DCAF8L2: variants seen among roughly 807,000 people sequenced by gnomAD.
The protein encoded by DCAF8L2 is DDB1- and CUL4-associated factor 8-like protein 2.
For missense variants in DCAF8L2, 430 were observed against 490.7 expected (o/e 0.88, Z 1.17); for synonymous variants, 200 against 190.9 (o/e 1.05, Z -0.39).
chrX:27,515,779 G>T, the DCAF8L2 span, among the ~76,000 whole-genome samples: 1 of 111,579 alleles, frequency 9.0e-6, no homozygotes, highest in Non-Finnish European at 1.9e-5. Flanking sequence ...GCTTTAAAGT[G>T]AACATTTATG....
rs947154323 is a variant in DCAF8L2 at position 27,688,782 on chromosome X, T to A, written c.-143+10870T>A. ...GTCTCTAATGATGACAATGAGAAAA[T>A]TGTGACTAAATTATTAATATCTAAG... On this transcript the variant is annotated intron_variant, in intron 3 of 4. Coordinates refer to ENST00000451261, the MANE Select transcript of DCAF8L2 (RefSeq NM_001353450.2). Among the ~76,000 whole-genome samples the A allele has an allele frequency of 2.7e-5, 3 of 111,799 alleles. No homozygotes were observed. The East Asian group carries it at 8.4e-4, about 31-fold the overall frequency.
the DCAF8L2 span, among the ~76,000 whole-genome samples, chrX:27,535,625 A>C: frequency 9.0e-6 from 1 of 111,565 alleles, no homozygotes; most frequent in Admixed American, 9.6e-5. Context: ...CCTCTTCCTC[A>C]TATTCTTCGG....
At chrX:27,615,509 A>T (rs1927420621) in intron 1 of DCAF8L2, among the ~76,000 whole-genome samples, 1 of 100,271 alleles carries the variant, frequency 1.0e-5, no homozygotes, top group Non-Finnish European at 2.0e-5. Context: ...ACAAAAAATA[A>T]TAGTAGATTC....
intron 4 of DCAF8L2, among the ~76,000 whole-genome samples, chrX:27,723,371 C>A (rs1485131353): frequency 9.1e-6 from 1 of 110,175 alleles, no homozygotes; most frequent in Non-Finnish European, 1.9e-5. Flanking sequence ...AAAAAAAACT[C>A]CTAGAAATCA....
the DCAF8L2 span, among the ~76,000 whole-genome samples, chrX:27,512,703 T>TCAC: frequency 2.4e-5 from 2 of 84,946 alleles, no homozygotes; most frequent in African/African-American, 8.9e-5. Flanking sequence ...AAGACATTCT[T>TCAC]CACAGCAACA....
intron 3 of DCAF8L2, among the ~76,000 whole-genome samples, chrX:27,715,795 C>T (rs193248822): frequency 6.3e-5 from 7 of 111,860 alleles, no homozygotes; most frequent in African/African-American, 1.6e-4. Flanking sequence ...ATTTCTGCCT[C>T]AATAACTTTA....
rs562644776 is a variant in DCAF8L2 at position 27,625,126 on chromosome X, A to G, written c.-341-6753A>G. Among the ~76,000 whole-genome samples the G allele has an allele frequency of 1.5e-4, 17 of 112,141 alleles. No homozygotes were observed. The Middle Eastern group carries it at 0.014, about 92-fold the overall frequency. ...CAAAGGTCTAATATCCAGAATCTCT[A>G]AAGAATTTAAACAAACTAACAAGCC... On this transcript the variant is annotated intron_variant, in intron 1 of 4. Coordinates refer to ENST00000451261, the MANE Select transcript of DCAF8L2 (RefSeq NM_001353450.2).
the DCAF8L2 span, among the ~76,000 whole-genome samples, chrX:27,555,427 A>G: frequency 3.6e-5 from 4 of 111,789 alleles, no homozygotes; most frequent in African/African-American, 1.3e-4. Flanking sequence ...TGTTGGCACA[A>G]TGGGCTTATG....
At chrX:27,682,147 TAG>T (rs2147241924) in intron 3 of DCAF8L2, among the ~76,000 whole-genome samples, 1 of 111,088 alleles carries the variant, frequency 9.0e-6, no homozygotes, top group African/African-American at 3.3e-5. Context: ...TCGTTTTTTG[TAG>T]AGACAGGGGC....
chrX:27,730,742 A>T (rs985550754), intron 4 of DCAF8L2, among the ~76,000 whole-genome samples: 1 of 111,125 alleles, frequency 9.0e-6, no homozygotes, highest in Non-Finnish European at 1.9e-5. Flanking sequence ...AAAAACTACT[A>T]AAGTTTGTTT....
At chrX:27,587,975 T>TAAAAAAAAAAAAAAA (rs531576238), upstream of DCAF8L2, among the ~76,000 whole-genome samples, 1 of 25,500 alleles carries the variant, frequency 3.9e-5, no homozygotes, top group African/African-American at 1.1e-4. Flanking sequence ...GTACTTCCAT[T>TAAAAAAAAAAAAAAA]AAAAAAAAAA....
At chrX:27,681,438 A>T (rs1443304794) in intron 3 of DCAF8L2, among the ~76,000 whole-genome samples, 1 of 111,687 alleles carries the variant, frequency 9.0e-6, no homozygotes, top group South Asian at 3.7e-4. Context: ...TTAGAGCTGC[A>T]CCGCCCTAAA....
At position 27,591,016 on chromosome X, in the gene DCAF8L2, A is replaced by ATATATATATATATATATAT. The variant is rs1569153314; in HGVS notation, c.-342+576_-342+577insTATATATATATATATATAT. ...TTATATATATATATATATATATATA[A>ATATATATATATATATATAT]ATAAATAATTTGATAGGTTACATTA... On this transcript the variant is annotated intron_variant, in intron 1 of 4. Coordinates refer to ENST00000451261, the MANE Select transcript of DCAF8L2 (RefSeq NM_001353450.2). Among the ~76,000 whole-genome samples, 71 of 44,701 alleles carry ATATATATATATATATATAT rather than the reference A, an allele frequency of 1.6e-3. 1 individual carries two copies. The highest frequency in any genetic ancestry group is 2.4e-3 in the Admixed American group (9 of 3,682). The allele number at this position is 44,701 out of a possible 115,157, so 38.8% of individuals were successfully genotyped here.
At chrX:27,686,002 T>C (rs1320262695) in intron 3 of DCAF8L2, among the ~76,000 whole-genome samples, 1 of 111,591 alleles carries the variant, frequency 9.0e-6, no homozygotes, top group Non-Finnish European at 1.9e-5. Flanking sequence ...CTAGTAATCA[T>C]CGGGGAAATG....
At chrX:27,601,714 A>C (rs973388870) in intron 1 of DCAF8L2, among the ~76,000 whole-genome samples, 10 of 109,953 alleles carry the variant, frequency 9.1e-5, no homozygotes, top group Non-Finnish European at 1.5e-4. Context: ...AAAAAAAAAA[A>C]CAATTTGAGT....
intron 4 of DCAF8L2, among the ~76,000 whole-genome samples, chrX:27,731,858 C>A (rs1481262272): frequency 9.0e-6 from 1 of 111,576 alleles, no homozygotes; most frequent in Non-Finnish European, 1.9e-5. Flanking sequence ...ATGTATCCCA[C>A]AATTCTCTCT....
At chrX:27,658,860 CA>C (rs1195682951) in intron 2 of DCAF8L2, among the ~76,000 whole-genome samples, 18 of 107,749 alleles carry the variant, frequency 1.7e-4, no homozygotes, top group Non-Finnish European at 2.9e-4. Flanking sequence ...ACCTATATTA[CA>C]AAAGTATTTA....
intron 2 of DCAF8L2, among the ~76,000 whole-genome samples, chrX:27,661,175 G>A (rs1309506450): frequency 8.9e-6 from 1 of 111,932 alleles, no homozygotes; most frequent in Non-Finnish European, 1.9e-5. Context: ...TGTGACTGCT[G>A]AGGGGCTCTC....
chrX:27,476,463 C>T, the DCAF8L2 span, among the ~76,000 whole-genome samples: 1 of 111,505 alleles, frequency 9.0e-6, no homozygotes, highest in Admixed American at 9.6e-5. Flanking sequence ...CAACTTGGTG[C>T]ATGCTGATGC....
Sources: gnomAD v4.1 joint callset for allele counts (sites outside exome capture counted in the v4.1 genomes callset) on GRCh38, gnomAD v4.1.1 for gene constraint, MANE v1.5 for transcripts, NCBI Gene and HGNC (gene_info 2026-07-23, HGNC 2026-07-21) for gene names.